CCDC178: variants seen among roughly 807,000 people sequenced by gnomAD.
The protein encoded by CCDC178 is coiled-coil domain-containing protein 178.
In CCDC178, 126 loss-of-function variants were observed where a neutral mutation model predicts 117.4. That is an observed-to-expected ratio of 1.07 (90% CI 0.93 to 1.24). The LOEUF (loss-of-function observed/expected upper bound fraction) is 1.24. CCDC178 is among the 50% of genes most tolerant of loss of function. CCDC178 has a pLI of 0.00. For missense variants in CCDC178, 1,030 were observed against 986.9 expected (o/e 1.04, Z -0.59); for synonymous variants, 283 against 313.4 (o/e 0.90, Z 1.02).
intron 15 of CCDC178, among the ~76,000 whole-genome samples, chr18:33,238,389 T>A (rs1256044189): frequency 6.6e-6 from 1 of 152,006 alleles, no homozygotes; most frequent in Admixed American, 6.6e-5. Context: ...AGAATACAGA[T>A]AGTTCAATAA....
intron 12 of CCDC178, among the ~76,000 whole-genome samples, chr18:33,280,083 G>A (rs74456030): frequency 1 from 149,124 of 149,168 alleles, 74,540 homozygotes; most frequent in Middle Eastern, 1. Flanking sequence ...AATGGCAACA[G>A]AAGCCAAAAT....
chr18:33,221,951 T>G, intron 18 of CCDC178, among the ~76,000 whole-genome samples: 1 of 152,176 alleles, frequency 6.6e-6, no homozygotes, highest in Middle Eastern at 3.4e-3. Flanking sequence ...TTTGGAATAT[T>G]AAAATGTATA....
At chr18:33,237,119 T>A (rs2059434064) in intron 15 of CCDC178, among the ~76,000 whole-genome samples, 2 of 151,890 alleles carry the variant, frequency 1.3e-5, no homozygotes, top group South Asian at 4.2e-4. Flanking sequence ...ACCTCTAGAG[T>A]GTACCCTTCT....
At chr18:33,345,165 T>C (rs977368654) in intron 9 of CCDC178, among the ~76,000 whole-genome samples, 16 of 152,142 alleles carry the variant, frequency 1.1e-4, no homozygotes, top group Non-Finnish European at 1.8e-4. Context: ...TGATAGATCA[T>C]ATATGGGCAC....
chr18:33,036,186 T>C (rs949828940), intron 21 of CCDC178, among the ~76,000 whole-genome samples: 2 of 151,970 alleles, frequency 1.3e-5, no homozygotes, highest in Non-Finnish European at 2.9e-5. Flanking sequence ...ATAATCTTTA[T>C]ATAATTGAAA....
At chr18:32,943,842 T>A (rs1056703756) in intron 22 of CCDC178, among the ~76,000 whole-genome samples, 3 of 152,212 alleles carry the variant, frequency 2.0e-5, no homozygotes, top group Non-Finnish European at 1.5e-5. Context: ...CACAACATAT[T>A]AAGATTCAAC....
intron 5 of CCDC178, among the ~76,000 whole-genome samples, chr18:33,384,072 A>C (rs947572929): frequency 6.6e-6 from 1 of 152,136 alleles, no homozygotes; most frequent in African/African-American, 2.4e-5. Flanking sequence ...TGCAAACGTA[A>C]GTATCAATAG....
At chr18:33,423,002 T>G (rs1385384529) in intron 2 of CCDC178, among the ~76,000 whole-genome samples, 1 of 152,212 alleles carries the variant, frequency 6.6e-6, no homozygotes. Flanking sequence ...TCTAATTTTG[T>G]TTGCTTCTTC....
intron 12 of CCDC178, among the ~76,000 whole-genome samples, chr18:33,292,655 G>T (rs1019796091): frequency 1.8e-4 from 27 of 151,840 alleles, no homozygotes; most frequent in African/African-American, 5.6e-4. Context: ...TTGTATACAG[G>T]TATCAAAATA....
intron 2 of CCDC178, among the ~76,000 whole-genome samples, chr18:33,423,593 G>A (rs1481641398): frequency 6.6e-6 from 1 of 152,056 alleles, no homozygotes; most frequent in Non-Finnish European, 1.5e-5. Flanking sequence ...TAGCACTAGA[G>A]TATCTCTAGG....
chr18:33,346,219 A>G lies in CCDC178; in HGVS notation c.650T>C (p.Val217Ala), dbSNP rs776170513. ...AAAATCCCTATTATTACCTTTCTGC[A>G]CAGCCAATGGGAGTTCTTGAAGTTT... ...VWKLQELPLAVQKEHEAYLSD... is the reference protein window; with the variant it reads ...VWKLQELPLAAQKEHEAYLSD... Residue 217 changes from valine to alanine, a missense_variant, in exon 9 of 23, where the codon GTG becomes GCG. Val to Ala is a moderately conservative substitution (Grantham distance 64, BLOSUM62 0). Coordinates refer to ENST00000383096, the MANE Select transcript of CCDC178 (RefSeq NM_001105528.4). 1 of 1,609,430 alleles carries G rather than the reference A, an allele frequency of 6.2e-7. No individual in the cohort carries two copies. Among genetic ancestry groups the G allele is most frequent in the South Asian group, 1.1e-5 (1 of 90,622 alleles).
At chr18:33,105,526 C>A (rs156367) in intron 20 of CCDC178, among the ~76,000 whole-genome samples, 20,162 of 151,312 alleles carry the variant, frequency 0.13, 2,089 homozygotes, top group African/African-American at 0.28. Context: ...TAAAAGTGTC[C>A]ACTTGAGTCA....
At chr18:33,367,597 G>A (rs920888439) in intron 6 of CCDC178, among the ~76,000 whole-genome samples, 1 of 151,702 alleles carries the variant, frequency 6.6e-6, no homozygotes, top group Non-Finnish European at 1.5e-5. Context: ...ATTGTGATAG[G>A]TTAGTCAGAA....
intron 21 of CCDC178, among the ~76,000 whole-genome samples, chr18:33,030,790 T>G (rs1227299773): frequency 6.6e-6 from 1 of 152,046 alleles, no homozygotes. Flanking sequence ...AGAAGATAGA[T>G]AGATAGATGT....
intron 10 of CCDC178, among the ~76,000 whole-genome samples, chr18:33,327,323 A>G (rs576860588): frequency 3.4e-4 from 51 of 152,236 alleles, no homozygotes; most frequent in African/African-American, 1.2e-3. Context: ...CCATTGATAT[A>G]TTGCATTTTG....
In CCDC178 at chr18:33,425,958, C is replaced by T. The variant is rs188233379; in HGVS notation, c.-22-13848G>A. On this transcript the variant is annotated intron_variant, in intron 2 of 22. Transcript: ENST00000383096. ...TTTTTTCATCTCATCTCTGTAGACACCTGAGATGGGATGTTCCTGATAAGC... is the reference window on the plus strand; with the variant it reads ...TTTTTTCATCTCATCTCTGTAGACATCTGAGATGGGATGTTCCTGATAAGC... Among the ~76,000 whole-genome samples, 127 of 152,114 alleles carry T rather than the reference C, an allele frequency of 8.3e-4. No individual in the cohort carries two copies. In the East Asian group the frequency reaches 0.023, roughly 28 times the overall value.
At chr18:33,078,264 T>C (rs2057242341) in intron 21 of CCDC178, among the ~76,000 whole-genome samples, 1 of 152,098 alleles carries the variant, frequency 6.6e-6, no homozygotes, top group African/African-American at 2.4e-5. Context: ...ATAAACTAGG[T>C]ATTGAAGGCA....
intron 11 of CCDC178, among the ~76,000 whole-genome samples, chr18:33,300,720 A>C (rs2062166144): frequency 6.6e-6 from 1 of 152,228 alleles, no homozygotes; most frequent in Non-Finnish European, 1.5e-5. Context: ...AGTATATGGC[A>C]GAAGAAATTT....
At chr18:33,335,649 A>G (rs1315157539) in intron 9 of CCDC178, among the ~76,000 whole-genome samples, 1 of 152,026 alleles carries the variant, frequency 6.6e-6, no homozygotes, top group African/African-American at 2.4e-5. Context: ...CAATTATTAA[A>G]TTAATTTTAT....
Sources: allele counts gnomAD v4.1 joint callset (sites outside exome capture counted in the v4.1 genomes callset), GRCh38; gene constraint gnomAD v4.1.1; transcripts MANE v1.5; gene names NCBI Gene and HGNC (gene_info 2026-07-23, HGNC 2026-07-21).